The following CNTNAP2 variants were observed in gnomAD, a reference collection of about 807,000 sequenced individuals.
CNTNAP2 encodes contactin-associated protein-like 2.
A neutral mutation model predicts 155.2 loss-of-function variants in CNTNAP2; 98 were observed. The observed-to-expected ratio is 0.63, with a 90% CI of 0.54 to 0.75. The LOEUF (loss-of-function observed/expected upper bound fraction) is 0.75. CNTNAP2 is among the 30% of genes least tolerant of loss of function. The pLI, the probability that CNTNAP2 is intolerant of heterozygous loss-of-function variation, is 0.00. For missense variants in CNTNAP2, 1,727 were observed against 1,688.1 expected, an observed-to-expected ratio of 1.02 and a Z score of -0.40; for synonymous variants, 651 against 631.2, an observed-to-expected ratio of 1.03 and a Z score of -0.47.
chr7:146,379,569 C>T (rs1356563263), intron 1 of CNTNAP2, among the ~76,000 whole-genome samples: 1 of 152,156 alleles, frequency 6.6e-6, no homozygotes, highest in Non-Finnish European at 1.5e-5. Context: ...CAATAGGTAA[C>T]GCTACTCATG....
chr7:147,150,479 G>T (rs575705742), intron 8 of CNTNAP2, among the ~76,000 whole-genome samples: 16 of 152,194 alleles, frequency 1.1e-4, no homozygotes, highest in Middle Eastern at 3.4e-3. Flanking sequence ...ACCTAAGCAG[G>T]CAACTACATA....
intron 1 of CNTNAP2, among the ~76,000 whole-genome samples, chr7:146,403,501 A>G (rs756728718): frequency 1.3e-5 from 2 of 152,168 alleles, no homozygotes; most frequent in Non-Finnish European, 2.9e-5. Flanking sequence ...TGAATTCGCC[A>G]TTTTTATTTT....
At chr7:148,191,029 G>T (rs186954456) in intron 18 of CNTNAP2, among the ~76,000 whole-genome samples, 3 of 152,238 alleles carry the variant, frequency 2.0e-5, no homozygotes, top group Non-Finnish European at 2.9e-5. Context: ...AGCTCCATGG[G>T]GACTATCTTT....
At chr7:148,245,966 A>G (rs1308143683) in intron 20 of CNTNAP2, among the ~76,000 whole-genome samples, 1 of 152,188 alleles carries the variant, frequency 6.6e-6, no homozygotes, top group Admixed American at 6.5e-5. Flanking sequence ...AGCTCCAAAC[A>G]TAGCATTAAA....
intron 13 of CNTNAP2, among the ~76,000 whole-genome samples, chr7:147,653,472 C>G (rs1009926598): frequency 2.0e-5 from 3 of 152,220 alleles, no homozygotes; most frequent in Non-Finnish European, 4.4e-5. Flanking sequence ...TGAAATTCAA[C>G]TATCAGAGAT....
chr7:147,608,773 T>C (rs1215609115), intron 12 of CNTNAP2, among the ~76,000 whole-genome samples: 1 of 152,168 alleles, frequency 6.6e-6, no homozygotes, highest in Non-Finnish European at 1.5e-5. Context: ...GGCTGTTTAT[T>C]TCACCCGGGT....
In CNTNAP2 at chr7:147,319,165, C is replaced by T. The variant is rs73469264; in HGVS notation, c.1498+18875C>T. Among the ~76,000 whole-genome samples the T allele has an allele frequency of 6.7e-3, 1,017 of 152,138 alleles. 12 individuals carry two copies. Among genetic ancestry groups the T allele is most frequent in the African/African-American group, 0.023 (974 of 41,508 alleles). ...CTTTCCAGTATAGAATGTCCATAAA[C>T]GCAATGTGTCCAGTAAGTTTAATTT... On this transcript the variant is annotated intron_variant, in intron 9 of 23. Coordinates refer to ENST00000361727, the MANE Select transcript of CNTNAP2 (RefSeq NM_014141.6).
chr7:147,605,191 T>C (rs1201919751), intron 12 of CNTNAP2, among the ~76,000 whole-genome samples: 1 of 152,194 alleles, frequency 6.6e-6, no homozygotes, highest in African/African-American at 2.4e-5. Context: ...ATTTTGATCA[T>C]TGTCCATTTC....
chr7:148,167,191 G>A (rs62471733), intron 17 of CNTNAP2, among the ~76,000 whole-genome samples: 8,862 of 152,206 alleles, frequency 0.058, 348 homozygotes, highest in East Asian at 0.23. Flanking sequence ...CCAGGCTGGA[G>A]TGCAATGGCA....
chr7:146,838,906 C>T lies in CNTNAP2; in HGVS notation c.209-805C>T, dbSNP rs377501830. Among the ~76,000 whole-genome samples the T allele has an allele frequency of 5.3e-5, 8 of 152,256 alleles. No homozygotes were observed. In the South Asian group the frequency reaches 1.7e-3, roughly 32 times the overall value. ...CTGTAAAAATTATAGTGCCTCTTAG[C>T]ACTAACATTATGCCATATTTTCTGT... is the stretch of plus-strand genomic sequence containing the variant. On this transcript the variant is annotated intron_variant, in intron 2 of 23. Coordinates refer to ENST00000361727, the MANE Select transcript of CNTNAP2 (RefSeq NM_014141.6).
chr7:148,388,191 T>G (rs1024766487), intron 22 of CNTNAP2, among the ~76,000 whole-genome samples: 4 of 152,154 alleles, frequency 2.6e-5, no homozygotes, highest in Admixed American at 6.5e-5. Flanking sequence ...ATGTGCACAT[T>G]GTGCAGGTTA....
At chr7:148,018,302 T>A (rs17170785) in intron 15 of CNTNAP2, among the ~76,000 whole-genome samples, 43,883 of 151,996 alleles carry the variant, frequency 0.29, 6,526 homozygotes, top group Middle Eastern at 0.34. Context: ...ATAGTAATGG[T>A]CAAGCTCCCA....
intron 3 of CNTNAP2, among the ~76,000 whole-genome samples, chr7:146,863,606 T>C (rs1010900732): frequency 6.6e-6 from 1 of 151,876 alleles, no homozygotes; most frequent in African/African-American, 2.4e-5. Context: ...AATGAAAATA[T>C]ATAATACTTG....
chr7:148,115,930 G>A (rs1804459571), intron 15 of CNTNAP2, among the ~76,000 whole-genome samples: 1 of 152,104 alleles, frequency 6.6e-6, no homozygotes, highest in Non-Finnish European at 1.5e-5. Context: ...CTTGAGGTCA[G>A]GAGTTCGAGA....
intron 15 of CNTNAP2, among the ~76,000 whole-genome samples, chr7:148,078,304 T>C (rs963865355): frequency 6.6e-6 from 1 of 151,938 alleles, no homozygotes; most frequent in African/African-American, 2.4e-5. Flanking sequence ...CATCAAGTGA[T>C]CTGCCTGCCT....
intron 1 of CNTNAP2, among the ~76,000 whole-genome samples, chr7:146,416,591 T>C (rs1795941316): frequency 6.6e-6 from 1 of 152,108 alleles, no homozygotes; most frequent in Admixed American, 6.6e-5. Context: ...TTTTTAAAAA[T>C]ATGCAGCTTA....
intron 12 of CNTNAP2, among the ~76,000 whole-genome samples, chr7:147,616,678 C>A (rs1489657770): frequency 6.6e-6 from 1 of 152,078 alleles, no homozygotes; most frequent in Non-Finnish European, 1.5e-5. Flanking sequence ...ATTCTCCTTC[C>A]ACTTACCAAG....
intron 13 of CNTNAP2, among the ~76,000 whole-genome samples, chr7:147,775,700 T>A (rs1161209708): frequency 6.6e-6 from 1 of 151,910 alleles, no homozygotes; most frequent in Non-Finnish European, 1.5e-5. Context: ...GAGCCTAGGC[T>A]GAATCAATAG....
intron 23 of CNTNAP2, among the ~76,000 whole-genome samples, chr7:148,412,643 A>G (rs1799869881): frequency 6.6e-6 from 1 of 152,200 alleles, no homozygotes; most frequent in Non-Finnish European, 1.5e-5. Context: ...ATTTTATCTG[A>G]GAATAATGAG....
Sources: gnomAD v4.1 joint callset for allele counts (sites outside exome capture counted in the v4.1 genomes callset) on GRCh38, gnomAD v4.1.1 for gene constraint, MANE v1.5 for transcripts, NCBI Gene and HGNC (gene_info 2026-07-23, HGNC 2026-07-21) for gene names.